NBAS: variants seen among roughly 807,000 people sequenced by gnomAD.
NBAS encodes the protein NAG/BC035112 fusion.
NBAS carries 219 observed loss-of-function variants against 302.5 expected under a neutral mutation model. The observed-to-expected ratio is 0.72, with a 90% CI of 0.65 to 0.81. NBAS has a LOEUF of 0.81. Ranked by LOEUF, NBAS falls within the 30% of genes least tolerant of loss-of-function variation. The probability of loss-of-function intolerance (pLI) is 0.00; values close to 1 mark genes in which losing one functional copy is unlikely to be tolerated. For synonymous variants in NBAS, 1,118 were observed against 1,021.6 expected (o/e 1.09, Z -1.80); for missense variants, 2,932 against 2,841.6 (o/e 1.03, Z -0.72).
the NBAS span, among the ~76,000 whole-genome samples, chr2:15,001,305 G>A: frequency 6.6e-6 from 1 of 152,066 alleles, no homozygotes; most frequent in African/African-American, 2.4e-5. Flanking sequence ...ATGTATATAT[G>A]TTATACACAC....
chr2:15,529,993 C>G (rs1469473735), intron 9 of NBAS, among the ~76,000 whole-genome samples: 1 of 152,120 alleles, frequency 6.6e-6, no homozygotes, highest in East Asian at 1.9e-4. Context: ...CTTCACATAT[C>G]AACATTCAAC....
At chr2:15,034,235 G>GAAAGAAAGAAAGAAAGAAA in the NBAS span, among the ~76,000 whole-genome samples, 131 of 81,714 alleles carry the variant, frequency 1.6e-3, 21 homozygotes, top group East Asian at 6.0e-3. Flanking sequence ...AAAGAAAGAA[G>GAAAGAAAGAAAGAAAGAAA]GAAAGAAAGA....
At position 15,490,771 on chromosome 2, in the gene NBAS, G is replaced by T. The variant is rs541230979; in HGVS notation, c.955-1749C>A. On this transcript the variant is annotated intron_variant, in intron 11 of 51. Coordinates refer to ENST00000281513, the MANE Select transcript of NBAS (RefSeq NM_015909.4). ...CAACCAGGGCACGTCCATGAGCCAGGACTATAGTCCTCACCTGGACCCTGG... is the reference window on the plus strand; with the variant it reads ...CAACCAGGGCACGTCCATGAGCCAGTACTATAGTCCTCACCTGGACCCTGG... Among the ~76,000 whole-genome samples, 3 of 152,336 alleles carry T rather than the reference G, an allele frequency of 2.0e-5. No homozygotes were observed. In the East Asian group the frequency reaches 5.8e-4, roughly 29 times the overall value.
chr2:14,792,921 C>T, the NBAS span, among the ~76,000 whole-genome samples: 1 of 152,052 alleles, frequency 6.6e-6, no homozygotes, highest in East Asian at 1.9e-4. Context: ...GTCCTAACCC[C>T]CAATGTGACT....
chr2:14,794,557 T>C, the NBAS span, among the ~76,000 whole-genome samples: 12 of 152,182 alleles, frequency 7.9e-5, no homozygotes, highest in Non-Finnish European at 1.2e-4. Flanking sequence ...TAAATGTTTA[T>C]GTTTTATTTA....
At chr2:15,136,226 T>A in the NBAS span, among the ~76,000 whole-genome samples, 1 of 152,210 alleles carries the variant, frequency 6.6e-6, no homozygotes, top group African/African-American at 2.4e-5. Flanking sequence ...TCTTATTGGC[T>A]CAGCTGTTCA....
At chr2:15,109,222 T>C in the NBAS span, among the ~76,000 whole-genome samples, 2 of 152,190 alleles carry the variant, frequency 1.3e-5, no homozygotes, top group African/African-American at 4.8e-5. Flanking sequence ...AGAGATAATG[T>C]GCTTGAATTT....
intron 5 of NBAS, 85 bp from the exon 6 acceptor site, chr2:15,551,621 C>T: frequency 2.1e-6 from 2 of 955,440 alleles, no homozygotes; most frequent in South Asian, 3.0e-5. Flanking sequence ...GACTAGACAG[C>T]CTCTATATAC....
At chr2:15,271,366 G>A (rs1192302155) in intron 44 of NBAS, among the ~76,000 whole-genome samples, 1 of 152,186 alleles carries the variant, frequency 6.6e-6, no homozygotes, top group Non-Finnish European at 1.5e-5. Flanking sequence ...TAGATAAGAG[G>A]TTCTCAATAA....
At chr2:15,472,172 C>T (rs1184760178) in intron 16 of NBAS, among the ~76,000 whole-genome samples, 1 of 152,182 alleles carries the variant, frequency 6.6e-6, no homozygotes, top group African/African-American at 2.4e-5. Flanking sequence ...CGATTTTAAG[C>T]TCTGGGTGCT....
At chr2:15,442,730 G>T (rs1221886985) in intron 21 of NBAS, among the ~76,000 whole-genome samples, 1 of 151,588 alleles carries the variant, frequency 6.6e-6, no homozygotes, top group African/African-American at 2.4e-5. Flanking sequence ...TTTTTGAAAG[G>T]ATCAACAAAA....
chr2:15,472,992 G>A (rs1193876891), intron 16 of NBAS, among the ~76,000 whole-genome samples: 2 of 152,222 alleles, frequency 1.3e-5, no homozygotes, highest in Non-Finnish European at 2.9e-5. Flanking sequence ...AGACCAAGTA[G>A]TTAGCTGGTT....
At chr2:15,008,142 C>T in the NBAS span, among the ~76,000 whole-genome samples, 1 of 152,162 alleles carries the variant, frequency 6.6e-6, no homozygotes, top group Admixed American at 6.5e-5. Context: ...AATGACAACC[C>T]ACAGAGGTAA....
chr2:14,812,090 A>AT, the NBAS span, among the ~76,000 whole-genome samples: 10 of 152,138 alleles, frequency 6.6e-5, no homozygotes, highest in African/African-American at 2.4e-4. Flanking sequence ...AATGACACAA[A>AT]TGGTCTTATT....
At chr2:15,468,021 A>C (rs1007303070) in intron 17 of NBAS, among the ~76,000 whole-genome samples, 1 of 152,186 alleles carries the variant, frequency 6.6e-6, no homozygotes, top group Non-Finnish European at 1.5e-5. Flanking sequence ...AAATCTAAAA[A>C]TCAAGAAAAT....
the NBAS span, among the ~76,000 whole-genome samples, chr2:14,809,174 G>A: frequency 6.6e-6 from 1 of 152,222 alleles, no homozygotes; most frequent in East Asian, 1.9e-4. Context: ...CCGATTTTCT[G>A]AGGAGAAATT....
intron 3 of NBAS, among the ~76,000 whole-genome samples, chr2:15,554,344 G>A (rs1402944557): frequency 1.3e-5 from 2 of 151,838 alleles, no homozygotes; most frequent in African/African-American, 2.4e-5. Flanking sequence ...AAAAAACACA[G>A]TGATGTGTTC....
intron 7 of NBAS, among the ~76,000 whole-genome samples, chr2:15,537,851 G>C (rs1663595533): frequency 6.6e-6 from 1 of 152,080 alleles, no homozygotes; most frequent in South Asian, 2.1e-4. Flanking sequence ...TCTGTCTTTT[G>C]TCAGTTTAAT....
intron 50 of NBAS, chr2:15,179,375 G>A: frequency 2.2e-6 from 1 of 462,334 alleles, no homozygotes; most frequent in Non-Finnish European, 4.0e-6. Context: ...AATGCTCATT[G>A]TACAGATATA....
Sources: allele counts gnomAD v4.1 joint callset (sites outside exome capture counted in the v4.1 genomes callset), GRCh38; gene constraint gnomAD v4.1.1; transcripts MANE v1.5; gene names NCBI Gene and HGNC (gene_info 2026-07-23, HGNC 2026-07-21).